The following TEKT5 variants were observed in gnomAD, a reference collection of about 807,000 sequenced individuals.
TEKT5 encodes tektin-5.
A neutral mutation model predicts 48.7 loss-of-function variants in TEKT5; 52 were observed. That is an observed-to-expected ratio of 1.07 (90% CI 0.86 to 1.35). The LOEUF is 1.35. Ranked by LOEUF, TEKT5 falls within the 40% of genes most tolerant of loss-of-function variation. TEKT5 has a pLI of 0.00. For missense variants in TEKT5, 831 were observed against 641.6 expected (o/e 1.30, Z -3.19); for synonymous variants, 318 against 267.6 (o/e 1.19, Z -1.84).
At chr16:10,671,089 G>A (rs1406869027) in intron 5 of TEKT5, among the ~76,000 whole-genome samples, 1 of 152,010 alleles carries the variant, frequency 6.6e-6, no homozygotes, top group Admixed American at 6.6e-5. Flanking sequence ...CTCTCCATCA[G>A]TAATTATATT....
At chr16:10,675,219 G>A (rs1488123589) in intron 5 of TEKT5, among the ~76,000 whole-genome samples, 1 of 152,192 alleles carries the variant, frequency 6.6e-6, no homozygotes, top group Non-Finnish European at 1.5e-5. Context: ...AAATTTCACA[G>A]CCACCACTGT....
At chr16:10,684,874 AAGGACCCCACCCTGCCC>A (rs1389623737) in intron 3 of TEKT5, among the ~76,000 whole-genome samples, 1 of 152,142 alleles carries the variant, frequency 6.6e-6, no homozygotes, top group African/African-American at 2.4e-5. Context: ...CTGGTGCAGC[AAGGACCCCACCCTGCCC>A]AGATGCGGGC....
chr16:10,683,686 G>C (rs1006309208), intron 3 of TEKT5, among the ~76,000 whole-genome samples: 2 of 152,160 alleles, frequency 1.3e-5, no homozygotes, highest in Admixed American at 6.5e-5. Context: ...CGCCTCCTGG[G>C]TTCAAGGGGT....
At chr16:10,669,281 C>T (rs1401189961) in intron 5 of TEKT5, among the ~76,000 whole-genome samples, 1 of 148,096 alleles carries the variant, frequency 6.8e-6, no homozygotes, top group Non-Finnish European at 1.5e-5. Context: ...ATGGTTAAAC[C>T]CTATCTCTAC....
chr16:10,652,451 A>ACACACACAC (rs1898174610), intron 5 of TEKT5, among the ~76,000 whole-genome samples: 1 of 66,730 alleles, frequency 1.5e-5, no homozygotes, highest in African/African-American at 6.5e-5. Flanking sequence ...TACACAGGCA[A>ACACACACAC]ACACACACAC....
chr16:10,662,675 A>C (rs1401156442), intron 5 of TEKT5, among the ~76,000 whole-genome samples: 1 of 152,092 alleles, frequency 6.6e-6, no homozygotes, highest in African/African-American at 2.4e-5. Context: ...TATCTTGGCA[A>C]ATTCTTTTAC....
intron 5 of TEKT5, among the ~76,000 whole-genome samples, chr16:10,651,983 G>C (rs982639506): frequency 6.6e-6 from 1 of 151,992 alleles, no homozygotes; most frequent in African/African-American, 2.4e-5. Flanking sequence ...AAAGACAAGA[G>C]GATAAGCATT....
intron 4 of TEKT5, among the ~76,000 whole-genome samples, chr16:10,679,630 C>A (rs1898709463): frequency 6.6e-6 from 1 of 152,138 alleles, no homozygotes; most frequent in Admixed American, 6.6e-5. Flanking sequence ...GGTGGTGGCT[C>A]ACACCTGTAA....
At chr16:10,673,077 C>T (rs569940049) in intron 5 of TEKT5, among the ~76,000 whole-genome samples, 1 of 152,116 alleles carries the variant, frequency 6.6e-6, no homozygotes, top group African/African-American at 2.4e-5. Flanking sequence ...TTCATCATAA[C>T]CATGCAGTCT....
rs1267041911 is a variant in TEKT5 at position 10,682,012 on chromosome 16, T to G, written c.844A>C (p.Met282Leu). 2 of 1,613,940 alleles carry G rather than the reference T, an allele frequency of 1.2e-6. No homozygotes were observed. The highest frequency in any genetic ancestry group is 1.7e-6 in the Non-Finnish European group (2 of 1,179,936). The change falls in exon 4 of 7, where the codon ATG becomes CTG. Residue 282 changes from methionine to leucine, a missense_variant. Met to Leu is a conservative substitution (Grantham distance 15). Transcript: ENST00000283025. The stretch of plus-strand genomic sequence containing the variant: ...ACTTACGTGCCGTCAATTTTCTCCA[T>G]GCCGTGGAAGAAGCTGATGCAGTCT... Reference protein sequence around the residue: ...TSDCISFFHGMEKIDGTISVP... With the variant: ...TSDCISFFHGLEKIDGTISVP...
At chr16:10,647,617 C>T (rs188629730) in intron 5 of TEKT5, among the ~76,000 whole-genome samples, 20 of 152,020 alleles carry the variant, frequency 1.3e-4, no homozygotes, top group South Asian at 2.1e-4. Flanking sequence ...AGGCCAGAGA[C>T]CTGAGCCCAC....
In TEKT5 at chr16:10,676,175, G is replaced by A. The variant is rs146297310; in HGVS notation, c.870C>T (p.Ser290=). 128 of 1,614,164 alleles carry A rather than the reference G, an allele frequency of 7.9e-5. No individual in the cohort carries two copies. In the African/African-American group the frequency reaches 1.1e-3, roughly 14 times the overall value. Residue 290 remains serine, a synonymous_variant, in exon 5 of 7, where the codon TCC becomes TCT. Transcript: ENST00000283025. ...TGAACTTGGCCCAGGTCTCAGGTACGGAGATCCTGCAAAGGCACAAGGGTG... is the reference window on the plus strand; with the variant it reads ...TGAACTTGGCCCAGGTCTCAGGTACAGAGATCCTGCAAAGGCACAAGGGTG... ...HGMEKIDGTI[S]VPETWAKFSN...
At chr16:10,633,785 A>G (rs185782946) in intron 6 of TEKT5, among the ~76,000 whole-genome samples, 69 of 152,112 alleles carry the variant, frequency 4.5e-4, no homozygotes, top group African/African-American at 1.6e-3. Context: ...GCCTCAAGTG[A>G]TCCTCCTGCC....
chr16:10,641,066 G>A (rs1174405968), intron 5 of TEKT5, among the ~76,000 whole-genome samples: 1 of 152,104 alleles, frequency 6.6e-6, no homozygotes, highest in African/African-American at 2.4e-5. Context: ...TTTCCCCCAG[G>A]TTTCTTGTTT....
intron 5 of TEKT5, among the ~76,000 whole-genome samples, chr16:10,640,860 T>A (rs1897985004): frequency 6.6e-6 from 1 of 152,124 alleles, no homozygotes; most frequent in African/African-American, 2.4e-5. Context: ...AGACCACAAT[T>A]TTCATCTAGC....
At chr16:10,685,488 G>A (rs1393077308) in intron 3 of TEKT5, among the ~76,000 whole-genome samples, 1 of 152,056 alleles carries the variant, frequency 6.6e-6, no homozygotes, top group Non-Finnish European at 1.5e-5. Context: ...GTAGAGACGG[G>A]GTTTCACCAT....
intron 5 of TEKT5, among the ~76,000 whole-genome samples, chr16:10,657,298 T>G (rs2142282098): frequency 6.6e-6 from 1 of 151,728 alleles, no homozygotes; most frequent in South Asian, 2.1e-4. Flanking sequence ...GCTAATTTTT[T>G]TGTGTATTTA....
intron 3 of TEKT5, among the ~76,000 whole-genome samples, chr16:10,687,327 G>C (rs971032937): frequency 6.6e-6 from 1 of 152,124 alleles, no homozygotes; most frequent in Non-Finnish European, 1.5e-5. Flanking sequence ...TATATGTACA[G>C]CATATACCAC....
chr16:10,682,122 G>A lies in TEKT5; in HGVS notation c.734C>T (p.Ala245Val). The A allele has an allele frequency of 6.2e-7, 1 of 1,614,126 alleles. No individual in the cohort carries two copies. Among genetic ancestry groups the A allele is most frequent in the Non-Finnish European group, 8.5e-7 (1 of 1,180,000 alleles). The change falls in exon 4 of 7, where the codon GCT becomes GTT. Residue 245 changes from alanine to valine, a missense_variant. Physicochemically the swap from Ala to Val is moderately conservative, Grantham distance 64. Coordinates refer to ENST00000283025, the MANE Select transcript of TEKT5 (RefSeq NM_144674.2). The stretch of plus-strand genomic sequence containing the variant: ...GAGGTCCCTCTCCAGCACGTGCTGA[G>A]CATCCCGGTTATCCCTGCAGGGAGG... ...IDIQMRDNRD[A>V]QHVLERDLED...
Sources: gnomAD v4.1 joint callset for allele counts (sites outside exome capture counted in the v4.1 genomes callset) on GRCh38, gnomAD v4.1.1 for gene constraint, MANE v1.5 for transcripts, NCBI Gene and HGNC (gene_info 2026-07-23, HGNC 2026-07-21) for gene names.